The following ABCC1 variants were observed in gnomAD, a reference collection of about 807,000 sequenced individuals.
ABCC1 encodes the protein ATP binding cassette subfamily C member 1 (ABCC1 blood group).
A neutral mutation model predicts 172.9 loss-of-function variants in ABCC1; 83 were observed. The ratio of observed to expected loss-of-function variants is 0.48; its 90% CI spans 0.40 to 0.58. ABCC1 has a LOEUF of 0.58. Ranked by LOEUF, ABCC1 falls within the 20% of genes least tolerant of loss-of-function variation. The pLI is 0.00. For missense variants in ABCC1, 1,817 were observed against 2,002.7 expected, an observed-to-expected ratio of 0.91 and a Z score of 1.77; for synonymous variants, 937 against 825.2, an observed-to-expected ratio of 1.14 and a Z score of -2.32.
chr16:15,953,854 C>T (rs1400806239), intron 1 of ABCC1, among the ~76,000 whole-genome samples: 1 of 152,070 alleles, frequency 6.6e-6, no homozygotes, highest in African/African-American at 2.4e-5. Context: ...TAGGTCTGGG[C>T]CTTGGAGTCA....
At chr16:16,026,872 G>C (rs1193984137) in intron 5 of ABCC1, among the ~76,000 whole-genome samples, 1 of 151,990 alleles carries the variant, frequency 6.6e-6, no homozygotes, top group African/African-American at 2.4e-5. Context: ...AGCCGAGATC[G>C]GGCCACTGCA....
At chr16:16,047,986 A>C (rs1328738155) in intron 9 of ABCC1, among the ~76,000 whole-genome samples, 156 bp from the exon 10 acceptor site, 1 of 152,184 alleles carries the variant, frequency 6.6e-6, no homozygotes, top group Non-Finnish European at 1.5e-5. Context: ...GAGATGACAC[A>C]GGCGTCCTGG....
At chr16:16,079,230 A>T in intron 15 of ABCC1, 122 bp from the exon 16 acceptor site, 1 of 1,432,500 alleles carries the variant, frequency 7.0e-7, no homozygotes, top group Non-Finnish European at 9.5e-7. Context: ...AGTGTTTAGT[A>T]CAGTCTTGCC....
chr16:16,081,913 G>A (rs2050819480), intron 16 of ABCC1, among the ~76,000 whole-genome samples: 1 of 152,160 alleles, frequency 6.6e-6, no homozygotes, highest in Admixed American at 6.6e-5. Flanking sequence ...CAGCTACTCA[G>A]GAGGCTGAGG....
At chr16:16,069,148 AAAAT>A (rs1473807792) in intron 13 of ABCC1, among the ~76,000 whole-genome samples, 3 of 140,002 alleles carry the variant, frequency 2.1e-5, no homozygotes, top group African/African-American at 8.1e-5. Context: ...TATGTAAAAA[AAAAT>A]AAAATAAAAT....
intron 11 of ABCC1, 43 bp downstream of exon 11, chr16:16,052,859 C>T (rs1362661690): frequency 6.3e-7 from 1 of 1,580,626 alleles, no homozygotes. Context: ...GGGCCCTAGG[C>T]AGAGGCCTCT....
Position 16,118,216 on chromosome 16 carries a change from C to A in ABCC1, c.3390+3140C>A, listed in dbSNP as rs555777856. Reference sequence around the variant, plus strand: ...GGAGCATTCCAGCTGCAAAGCAAAACAAGAGTAAGAAACCATGAGGCTCAC... The same window carrying A: ...GGAGCATTCCAGCTGCAAAGCAAAAAAAGAGTAAGAAACCATGAGGCTCAC... On this transcript the variant is annotated intron_variant, in intron 23 of 30. Transcript: ENST00000399410. 3.4e-3 allele frequency among the ~76,000 whole-genome samples: 510 copies of A among 152,164 alleles called. 2 individuals are homozygous for A. The highest frequency in any genetic ancestry group is 5.6e-3 in the Non-Finnish European group (378 of 68,006).
At chr16:16,039,348 A>G (rs1157827930) in intron 7 of ABCC1, among the ~76,000 whole-genome samples, 1 of 132,284 alleles carries the variant, frequency 7.6e-6, no homozygotes, top group Non-Finnish European at 1.7e-5. Flanking sequence ...GCTCACTGCA[A>G]CCTCTGCCTC....
chr16:15,956,067 G>A (rs1007358369), intron 1 of ABCC1, among the ~76,000 whole-genome samples: 21 of 152,024 alleles, frequency 1.4e-4, no homozygotes, highest in African/African-American at 4.8e-4. Flanking sequence ...GGCCAACATG[G>A]TGAAAGCCCA....
At chr16:16,056,858 C>T (rs750351274) in intron 12 of ABCC1, among the ~76,000 whole-genome samples, 1 of 152,178 alleles carries the variant, frequency 6.6e-6, no homozygotes, top group Non-Finnish European at 1.5e-5. Context: ...CCAGTGCCCC[C>T]TGCTTCCTGC....
chr16:16,019,875 C>A (rs1180024464), intron 5 of ABCC1, among the ~76,000 whole-genome samples: 1 of 152,124 alleles, frequency 6.6e-6, no homozygotes, highest in Non-Finnish European at 1.5e-5. Flanking sequence ...TGTGTCATCT[C>A]CCCCAGCTCG....
chr16:16,085,485 A>G (rs45511694), intron 17 of ABCC1, among the ~76,000 whole-genome samples: 3 of 152,360 alleles, frequency 2.0e-5, no homozygotes, highest in African/African-American at 7.2e-5. Flanking sequence ...TTGGAAATAA[A>G]AAACGAATTA....
chr16:16,054,673 G>C (rs142651701), intron 11 of ABCC1, among the ~76,000 whole-genome samples: 3 of 152,214 alleles, frequency 2.0e-5, no homozygotes, highest in African/African-American at 4.8e-5. Context: ...AGGATGCCCT[G>C]AGTGGCCCGA....
intron 24 of ABCC1, among the ~76,000 whole-genome samples, chr16:16,123,731 A>G (rs2045274152): frequency 6.6e-6 from 1 of 152,038 alleles, no homozygotes; most frequent in Non-Finnish European, 1.5e-5. Flanking sequence ...AAATAAGATG[A>G]CCAGGCACAT....
intron 19 of ABCC1, among the ~76,000 whole-genome samples, chr16:16,099,131 G>A (rs2051613724): frequency 6.6e-6 from 1 of 152,220 alleles, no homozygotes; most frequent in South Asian, 2.1e-4. Flanking sequence ...TATTGTCACT[G>A]ATGACCTTGG....
intron 12 of ABCC1, among the ~76,000 whole-genome samples, chr16:16,066,272 C>T (rs2050110783): frequency 6.6e-6 from 1 of 151,998 alleles, no homozygotes; most frequent in South Asian, 2.1e-4. Flanking sequence ...ACGTTTGCCT[C>T]CTAGGTTCAA....
At chr16:16,099,136 C>A (rs1407436601) in intron 19 of ABCC1, among the ~76,000 whole-genome samples, 1 of 152,192 alleles carries the variant, frequency 6.6e-6, no homozygotes, top group Non-Finnish European at 1.5e-5. Context: ...TCACTGATGA[C>A]CTTGGGTAAG....
intron 1 of ABCC1, among the ~76,000 whole-genome samples, chr16:15,989,927 A>C (rs2046820518): frequency 6.6e-6 from 1 of 152,004 alleles, no homozygotes; most frequent in African/African-American, 2.4e-5. Flanking sequence ...CCCAGGCTGG[A>C]GTTCATTAGC....
At chr16:16,014,034 G>T (rs756503418) in intron 3 of ABCC1, among the ~76,000 whole-genome samples, 1 of 152,182 alleles carries the variant, frequency 6.6e-6, no homozygotes, top group Non-Finnish European at 1.5e-5. Flanking sequence ...TGGCATGAAG[G>T]CATGTCCATT....
Sources: gnomAD v4.1 joint callset for allele counts (sites outside exome capture counted in the v4.1 genomes callset) on GRCh38, gnomAD v4.1.1 for gene constraint, MANE v1.5 for transcripts, NCBI Gene and HGNC (gene_info 2026-07-23, HGNC 2026-07-21) for gene names.